Variants in MME observed in about 807,000 individuals in gnomAD.
MME encodes the protein membrane metalloendopeptidase.
Under a neutral mutation model 113.2 loss-of-function variants are expected in MME, and 98 were observed. That is an observed-to-expected ratio of 0.87 (90% CI 0.74 to 1.02). MME has a LOEUF of 1.02. Ranked by LOEUF, MME falls within the 50% of genes least tolerant of loss-of-function variation. MME has a pLI of 0.00. For missense variants in MME, 836 were observed against 896.0 expected (o/e 0.93, Z 0.86); for synonymous variants, 292 against 300.6 (o/e 0.97, Z 0.30).
chr3:155,100,254 C>A (rs953898963), intron 3 of MME, among the ~76,000 whole-genome samples: 1 of 152,228 alleles, frequency 6.6e-6, no homozygotes, highest in Non-Finnish European at 1.5e-5. Flanking sequence ...TATGAACAGA[C>A]ACTTCTCAAA....
At chr3:155,106,539 C>G (rs1717704679) in intron 3 of MME, among the ~76,000 whole-genome samples, 1 of 152,112 alleles carries the variant, frequency 6.6e-6, no homozygotes, top group African/African-American at 2.4e-5. Context: ...AAAATGGTTC[C>G]CCAGATTCCA....
intron 17 of MME, among the ~76,000 whole-genome samples, chr3:155,161,108 A>T (rs1002121736): frequency 2.0e-5 from 3 of 152,162 alleles, no homozygotes; most frequent in Admixed American, 6.6e-5. Context: ...TAACTGAATG[A>T]CATAATATGA....
chr3:155,065,640 A>G (rs573713488), intron 1 of MME, among the ~76,000 whole-genome samples: 3 of 152,340 alleles, frequency 2.0e-5, no homozygotes, highest in African/African-American at 7.2e-5. Context: ...TGCATGATAA[A>G]TTCTTAGCAA....
intron 2 of MME, 45 bp downstream of exon 2, chr3:155,084,372 G>A: frequency 6.3e-7 from 1 of 1,598,126 alleles, no homozygotes; most frequent in Non-Finnish European, 8.6e-7. Flanking sequence ...CAAAAGAGAA[G>A]GAAATCTTCC....
rs75778357 is a variant in MME at position 155,112,083 on chromosome 3, G to T, written c.197-2911G>T. Among the ~76,000 whole-genome samples, 125 of 152,120 alleles carry T rather than the reference G, an allele frequency of 8.2e-4. No homozygotes were observed. The East Asian group carries it at 0.023, about 28-fold the overall frequency. ...ATCAGTTTCCTAGTCTTTAACTGAG[G>T]TGTTAAAGTTGGAGTTTTTACTGGC... On this transcript the variant is annotated intron_variant, in intron 3 of 22. Transcript: ENST00000360490.
intron 3 of MME, among the ~76,000 whole-genome samples, chr3:155,089,570 T>G (rs1343676764): frequency 1.3e-5 from 2 of 152,194 alleles, no homozygotes; most frequent in Non-Finnish European, 2.9e-5. Flanking sequence ...GGCAGCACGG[T>G]CACTTATGAC....
upstream of MME, among the ~76,000 whole-genome samples, chr3:155,076,530 A>G (rs1714756108): frequency 6.6e-6 from 1 of 152,232 alleles, no homozygotes; most frequent in Non-Finnish European, 1.5e-5. Flanking sequence ...CAAGAAAGAC[A>G]TCTTGATCCA....
intron 8 of MME, among the ~76,000 whole-genome samples, chr3:155,130,838 A>G (rs1247081998): frequency 1.4e-5 from 2 of 146,104 alleles, no homozygotes; most frequent in Non-Finnish European, 1.5e-5. Flanking sequence ...AACTTAATAT[A>G]TTTACAATTT....
chr3:155,134,710 C>G (rs144668366), intron 8 of MME, among the ~76,000 whole-genome samples: 80 of 152,238 alleles, frequency 5.3e-4, no homozygotes, highest in African/African-American at 1.8e-3. Context: ...TGAGAAATCT[C>G]CAAACTGCTT....
At chr3:155,092,356 C>T (rs1716367714) in intron 3 of MME, among the ~76,000 whole-genome samples, 2 of 152,324 alleles carry the variant, frequency 1.3e-5, no homozygotes. Context: ...TGCGGAGAAA[C>T]TGAACCATCA....
rs1298509086 is a variant in MME at position 155,183,119 on chromosome 3, C to A, written c.*2660C>A. On this transcript the variant is annotated 3_prime_UTR_variant, in exon 23 of 23. Coordinates refer to ENST00000360490, the MANE Select transcript of MME (RefSeq NM_007289.4). ...TCGACAATACCCGTTGGCAAGGAGT[C>A]TGCCTCCATGCTGCAGTGTTCGAGT... The A allele has an allele frequency of 6.6e-6, 1 of 152,206 alleles. No individual in the cohort carries two copies. Among genetic ancestry groups the A allele is most frequent in the Non-Finnish European group, 1.5e-5 (1 of 68,060 alleles). The allele number at this position is 152,206 out of a possible 1,614,324, so 9.4% of individuals were successfully genotyped here.
chr3:155,138,246 AT>A lies in MME; in HGVS notation c.855+19del, dbSNP rs746594222. The A allele has an allele frequency of 3.2e-5, 52 of 1,602,178 alleles. No homozygotes were observed. The highest frequency in any genetic ancestry group is 4.0e-5 in the African/African-American group (3 of 74,512). On this transcript the variant is annotated intron_variant, in intron 9 of 22. Transcript: ENST00000360490. ...AAAAGAAATTGCCAATGTAAAACAC[AT>A]TTTTTTTTCTGATACACTGAATAAT...
At chr3:155,158,703 G>T (rs935156408) in intron 16 of MME, 3 of 151,812 alleles carry the variant, frequency 2.0e-5, no homozygotes, top group Non-Finnish European at 4.4e-5. Context: ...ATATCCCTGG[G>T]TTTACACATA....
intron 16 of MME, among the ~76,000 whole-genome samples, chr3:155,158,162 A>T (rs1441442790): frequency 1.3e-5 from 2 of 152,060 alleles, no homozygotes; most frequent in Non-Finnish European, 2.9e-5. Flanking sequence ...AACAACTTGG[A>T]TTGGCACCTT....
intron 16 of MME, among the ~76,000 whole-genome samples, chr3:155,151,298 A>G (rs1222901689): frequency 2.6e-5 from 4 of 152,192 alleles, no homozygotes; most frequent in African/African-American, 9.6e-5. Context: ...AACTGAAGGG[A>G]CAGAGTTGAG....
rs1266156921 is a variant in MME at position 155,160,529 on chromosome 3, C to T, written c.1660+81C>T. ...GTGCATTGTATGACCAATTACAATA[C>T]CTCTAAACAAGCACAGCTGAGGCTG... On this transcript the variant is annotated intron_variant, in intron 17 of 22. Coordinates refer to ENST00000360490, the MANE Select transcript of MME (RefSeq NM_007289.4). The T allele has an allele frequency of 6.5e-6, 6 of 920,734 alleles. No individual in the cohort carries two copies. In the African/African-American group the frequency reaches 8.1e-5, roughly 12 times the overall value. The allele number at this position is 920,734 out of a possible 1,614,324, so 57.0% of individuals were successfully genotyped here.
At position 155,182,546 on chromosome 3, in the gene MME, T is replaced by A. The variant is rs923685608; in HGVS notation, c.*2087T>A. 2 of 152,216 alleles carry A rather than the reference T, an allele frequency of 1.3e-5. No individual in the cohort carries two copies. The highest frequency in any genetic ancestry group is 1.3e-4 in the Admixed American group (2 of 15,278). The allele number at this position is 152,216 out of a possible 1,614,324, so 9.4% of individuals were successfully genotyped here. A position where few individuals can be genotyped will look rare whatever the true frequency, so the allele number is the denominator to read the frequency against. On this transcript the variant is annotated 3_prime_UTR_variant, in exon 23 of 23. Transcript: ENST00000360490. ...TATACTTATATTTCCCTAAAATACA[T>A]TTAAAACTTACCTAAGTGACATTTG...
At chr3:155,138,914 C>T (rs956556259) in intron 9 of MME, among the ~76,000 whole-genome samples, 1 of 152,030 alleles carries the variant, frequency 6.6e-6, no homozygotes, top group Non-Finnish European at 1.5e-5. Context: ...TTAAACCCAT[C>T]GTCAGAGTCA....
intron 17 of MME, among the ~76,000 whole-genome samples, chr3:155,162,264 G>A (rs1193808663): frequency 1.3e-5 from 2 of 152,146 alleles, no homozygotes; most frequent in African/African-American, 2.4e-5. Flanking sequence ...GTTTGATTCT[G>A]AATTACCCCA....
Sources: allele counts gnomAD v4.1 joint callset (sites outside exome capture counted in the v4.1 genomes callset), GRCh38; gene constraint gnomAD v4.1.1; transcripts MANE v1.5; gene names NCBI Gene and HGNC (gene_info 2026-07-23, HGNC 2026-07-21).